The following COL3A1 variants were observed in gnomAD, a reference collection of about 807,000 sequenced individuals.
The protein encoded by COL3A1 is collagen type III alpha 1 chain.
A neutral mutation model predicts 200.9 loss-of-function variants in COL3A1; 46 were observed. The observed-to-expected ratio is 0.23, with a 90% CI of 0.18 to 0.29. The LOEUF is 0.29. Among genes scored for constraint, COL3A1 ranks in the 10% least tolerant of loss-of-function variants. The pLI is 1.00. For synonymous variants in COL3A1, 650 were observed against 628.0 expected (o/e 1.03, Z -0.52); for missense variants, 1,367 against 1,917.6 (o/e 0.71, Z 5.36).
Position 188,989,381 on chromosome 2 carries a change from T to C in COL3A1, c.637-15T>C, listed in dbSNP as rs747387258. The C allele has an allele frequency of 3.1e-5, 49 of 1,574,800 alleles. No individual in the cohort carries two copies. The highest frequency in any genetic ancestry group is 4.0e-5 in the Non-Finnish European group (46 of 1,154,536). On this transcript the variant is annotated splice_polypyrimidine_tract_variant and intron_variant, in intron 7 of 50. Transcript: ENST00000304636. ...AATTTACAAATCTATTCATTTTTTA[T>C]TTCCTTATTTTCAGGGCCCTCCAGG...
Position 189,003,039 on chromosome 2 carries a change from C to A in COL3A1, c.2530C>A (p.Pro844Thr), listed in dbSNP as rs780490668. The change falls in exon 36 of 51, where the codon CCC (proline) becomes ACC (threonine). Residue 844 changes from proline (P) to threonine (T), a missense_variant. By Grantham distance (38) the Pro-to-Thr change is conservative. Around this residue, in one of 5 missense-constraint regions of COL3A1, gnomAD observed 846 missense variants for 1,147.9 expected, o/e 0.74. Coordinates refer to ENST00000304636, the MANE Select transcript of COL3A1 (RefSeq NM_000090.4). The part of the protein sequence containing the change: ...GEGGPPGVAG[P>T]PGGSGPAGPP... ...AGGAGGCCCTCCTGGAGTTGCAGGA[C>A]CCCCTGGAGGTTCTGGACCTGCTGT... 1 of 1,551,168 alleles carries A rather than the reference C, an allele frequency of 6.4e-7. No individual in the cohort carries two copies.
rs587779535 is a variant in COL3A1, at chr2:188,996,179, G to A, written c.1662+1G>A. Reference sequence around the variant, plus strand: ...AAGTGATGGGAAACCAGGGCCTCCCGTATGTACATTTTTAAAATCTCATTT... The same window carrying A: ...AAGTGATGGGAAACCAGGGCCTCCCATATGTACATTTTTAAAATCTCATTT... On this transcript the variant is annotated splice_donor_variant, in intron 23 of 50. Coordinates refer to ENST00000304636, the MANE Select transcript of COL3A1 (RefSeq NM_000090.4). LOFTEE classifies it high-confidence loss of function. 6.2e-7 allele frequency: 1 copy of A among 1,612,930 alleles called. No individual in the cohort carries two copies. Among genetic ancestry groups the A allele is most frequent in the Non-Finnish European group, 8.5e-7 (1 of 1,179,458 alleles).
chr2:188,988,264 T>G (rs1246767087), intron 6 of COL3A1, 130 bp downstream of exon 6: 3 of 814,608 alleles, frequency 3.7e-6, no homozygotes, highest in Non-Finnish European at 6.2e-6. Context: ...ACCAAGAAAC[T>G]GATTAAGGCT....
At chr2:188,984,514 T>C (rs910001167) in intron 1 of COL3A1, among the ~76,000 whole-genome samples, 4 of 152,052 alleles carry the variant, frequency 2.6e-5, no homozygotes, top group African/African-American at 9.7e-5. Flanking sequence ...TTAAAATATC[T>C]GCTGGTCTTA....
At chr2:189,007,438 C>A in intron 44 of COL3A1, 62 bp from the exon 45 acceptor site, 2 of 1,259,098 alleles carry the variant, frequency 1.6e-6, no homozygotes, top group South Asian at 1.4e-5. Flanking sequence ...ATTATAAATT[C>A]TATTTTATTT....
intron 1 of COL3A1, among the ~76,000 whole-genome samples, chr2:188,976,687 T>C (rs1020123023): frequency 8.5e-5 from 13 of 152,166 alleles, no homozygotes; most frequent in African/African-American, 3.1e-4. Flanking sequence ...TCTAGTTCAC[T>C]CACAGGCATT....
In COL3A1 at chr2:188,999,928, A is replaced by C. The variant is rs369640003; in HGVS notation, c.2283+33A>C. On this transcript the variant is annotated intron_variant, in intron 32 of 50. Transcript: ENST00000304636. ...TTCCCAGTGAGGAGAAGCAGGCCTTATCTATATGTCATATGGGACAGTCCT... is the reference window on the plus strand; with the variant it reads ...TTCCCAGTGAGGAGAAGCAGGCCTTCTCTATATGTCATATGGGACAGTCCT... 41 of 1,567,764 alleles carry C rather than the reference A, an allele frequency of 2.6e-5. No individual in the cohort carries two copies. In the African/African-American group the frequency reaches 5.0e-4, roughly 19 times the overall value.
Position 188,995,695 on chromosome 2 carries a change from C to A in COL3A1, c.1513C>A (p.Pro505Thr), listed in dbSNP as rs776430998. 3.9e-6 allele frequency: 6 copies of A among 1,553,536 alleles called. No homozygotes were observed. The highest frequency in any genetic ancestry group is 5.2e-6 in the Non-Finnish European group (6 of 1,147,854). The change falls in exon 22 of 51, where the codon CCT becomes ACT. Residue 505 changes from proline to threonine, a missense_variant. Around this residue, in one of 5 missense-constraint regions of COL3A1, gnomAD observed 462 missense variants for 681.4 expected, o/e 0.68. Coordinates refer to ENST00000304636, the MANE Select transcript of COL3A1 (RefSeq NM_000090.4). The stretch of plus-strand genomic sequence containing the variant: ...TAAAATTTCTTTCACTACTTAGGGT[C>A]CTGCTGGAGAGCGTGGTGCTCCAGG... ...GPNGIPGEKG[P>T]AGERGAPGPA...
intron 34 of COL3A1, 76 bp from the exon 35 acceptor site, chr2:189,002,222 T>A (rs1480297744): frequency 2.5e-6 from 3 of 1,178,984 alleles, no homozygotes; most frequent in Non-Finnish European, 3.8e-6. Context: ...AAAGATAAGA[T>A]GATAAGATGA....
At chr2:188,981,104 A>G (rs571417547) in intron 1 of COL3A1, among the ~76,000 whole-genome samples, 55 of 151,630 alleles carry the variant, frequency 3.6e-4, no homozygotes, top group African/African-American at 1.3e-3. Flanking sequence ...TTTTGTCCAA[A>G]CAATATGATT....
intron 48 of COL3A1, 143 bp downstream of exon 48, chr2:189,009,364 A>T: frequency 7.1e-6 from 7 of 987,758 alleles, no homozygotes; most frequent in Middle Eastern, 2.2e-4. Context: ...AAACTGCTTG[A>T]TATAAAAGAG....
intron 1 of COL3A1, among the ~76,000 whole-genome samples, chr2:188,980,022 G>A (rs1687916590): frequency 6.6e-6 from 1 of 151,608 alleles, no homozygotes; most frequent in South Asian, 2.1e-4. Flanking sequence ...CTACAAGATA[G>A]GAGGTACTAT....
intron 50 of COL3A1, 86 bp from the exon 51 acceptor site, chr2:189,011,542 T>G: frequency 6.6e-7 from 1 of 1,507,950 alleles, no homozygotes; most frequent in Non-Finnish European, 9.2e-7. Context: ...TTCTTTAGAG[T>G]AAAAAGGTTT....
At position 188,987,095 on chromosome 2, in the gene COL3A1, T is replaced by C; in HGVS notation, c.484T>C (p.Ser162Pro). The C allele has an allele frequency of 6.2e-7, 1 of 1,613,092 alleles. No individual in the cohort carries two copies. Among genetic ancestry groups the C allele is most frequent in the Non-Finnish European group, 8.5e-7 (1 of 1,179,286 alleles). Reference sequence around the variant, plus strand: ...CCAGTATGATTCATATGATGTCAAGTCTGGAGTAGCAGTAGGAGGACTCGC... The same window carrying C: ...CCAGTATGATTCATATGATGTCAAGCCTGGAGTAGCAGTAGGAGGACTCGC... ...SPQYDSYDVK[S>P]GVAVGGLAGY... The change falls in exon 5 of 51, where the codon TCT becomes CCT. Residue 162 changes from serine (S) to proline (P), a missense_variant. Ser to Pro is a moderately conservative substitution (Grantham distance 74). Transcript: ENST00000304636.
intron 1 of COL3A1, among the ~76,000 whole-genome samples, chr2:188,977,536 A>G (rs1687848336): frequency 1.3e-5 from 2 of 152,242 alleles, no homozygotes; most frequent in East Asian, 1.9e-4. Flanking sequence ...AAAAGGTTAC[A>G]TACATTTAGG....
intron 29 of COL3A1, 152 bp from the exon 30 acceptor site, chr2:188,999,133 C>T: frequency 1.3e-6 from 1 of 768,922 alleles, no homozygotes; most frequent in Non-Finnish European, 2.2e-6. Flanking sequence ...TTCTAGTTCC[C>T]ACCCAGCTGT....
At chr2:188,985,400 G>T (rs1559052863) in intron 3 of COL3A1, among the ~76,000 whole-genome samples, 153 bp downstream of exon 3, 1 of 151,864 alleles carries the variant, frequency 6.6e-6, no homozygotes, top group Non-Finnish European at 1.5e-5. Context: ...ATCCATAATT[G>T]TACGTGTAAA....
At chr2:188,993,503 A>G (rs1159467712) in intron 16 of COL3A1, 44 bp downstream of exon 16, 3 of 1,401,984 alleles carry the variant, frequency 2.1e-6, no homozygotes, top group Admixed American at 4.0e-5. Flanking sequence ...TTTCATGCTT[A>G]CTCCATGAAA....
rs1688514900 is a variant in COL3A1, at chr2:189,003,424, C to T, written c.2567C>T (p.Pro856Leu). ...GGSGPAGPPG[P>L]QGVKGERGSP... ...CATTTCATATAGGGTCCTCCTGGTC[C>T]CCAAGGTGTCAAAGGTGAACGTGGC... The change falls in exon 37 of 51, where the codon CCC (proline) becomes CTC (leucine). Residue 856 changes from proline to leucine, a missense_variant. Physicochemically the swap from Pro to Leu is moderately conservative, Grantham distance 98 (BLOSUM62 -3). Coordinates refer to ENST00000304636, the MANE Select transcript of COL3A1 (RefSeq NM_000090.4). The T allele has an allele frequency of 6.2e-7, 1 of 1,613,534 alleles. No homozygotes were observed. The highest frequency in any genetic ancestry group is 1.3e-5 in the African/African-American group (1 of 74,822).
Sources: gnomAD v4.1 joint callset for allele counts (sites outside exome capture counted in the v4.1 genomes callset) on GRCh38, gnomAD v4.1.1 for gene constraint, gnomAD v4.1.1 regional missense constraint, MANE v1.5 for transcripts, NCBI Gene and HGNC (gene_info 2026-07-23, HGNC 2026-07-21) for gene names.